Variants in SSBP4 observed in about 807,000 individuals in gnomAD.
The protein encoded by SSBP4 is single stranded DNA binding protein 4.
A neutral mutation model predicts 64.6 loss-of-function variants in SSBP4; 33 were observed. The observed-to-expected ratio is 0.51, with a 90% CI of 0.39 to 0.68. The LOEUF (loss-of-function observed/expected upper bound fraction) is 0.68. Ranked by LOEUF, SSBP4 falls within the 30% of genes least tolerant of loss-of-function variation. The pLI is 0.00. For missense variants in SSBP4, 583 were observed against 566.8 expected (o/e 1.03, Z -0.29); for synonymous variants, 243 against 224.0 (o/e 1.08, Z -0.76).
chr19:18,434,130 C>G (rs1568360849), intron 17 of SSBP4, 87 bp from the exon 18 acceptor site: 1 of 1,592,388 alleles, frequency 6.3e-7, no homozygotes. Context: ...CAGCCCTGCC[C>G]TGTCCCCCAT....
chr19:18,434,295 G>A lies in SSBP4; in HGVS notation c.*49G>A, dbSNP rs1289274674. The A allele has an allele frequency of 6.2e-7, 1 of 1,605,202 alleles. No homozygotes were observed. Among genetic ancestry groups the A allele is most frequent in the East Asian group, 2.3e-5 (1 of 44,254 alleles). ...CTGCGGGCCTAGGCTTCTGCCCAGC[G>A]CCCCTGCTCAGGGCGAGGGGCTGAG... On this transcript the variant is annotated 3_prime_UTR_variant, in exon 18 of 18. Coordinates refer to ENST00000270061, the MANE Select transcript of SSBP4 (RefSeq NM_032627.5).
chr19:18,419,491 C>T lies in SSBP4; in HGVS notation c.-158C>T. The T allele has an allele frequency of 9.1e-7, 1 of 1,093,852 alleles. No individual in the cohort carries two copies. Among genetic ancestry groups the T allele is most frequent in the Non-Finnish European group, 1.1e-6 (1 of 900,138 alleles). 67.8% of individuals were successfully genotyped at this position (1,093,852 alleles called of 1,614,324 possible). A position where few individuals can be genotyped will look rare whatever the true frequency, so the allele number is the denominator to read the frequency against. On this transcript the variant is annotated 5_prime_UTR_variant, in exon 1 of 18. Coordinates refer to ENST00000270061, the MANE Select transcript of SSBP4 (RefSeq NM_032627.5). ...GGAGCCGCCGCTGCCGCCGCCGCCGCGGCCGTCTGGAGCTCCCCCGCGCGG... is the reference window on the plus strand; with the variant it reads ...GGAGCCGCCGCTGCCGCCGCCGCCGTGGCCGTCTGGAGCTCCCCCGCGCGG...
chr19:18,403,929 GC>G, the SSBP4 span, among the ~76,000 whole-genome samples: 16 of 151,986 alleles, frequency 1.1e-4, no homozygotes, highest in African/African-American at 3.9e-4. Context: ...TCCCTCTGCT[GC>G]CCCCTGATGT....
chr19:18,404,593 C>CAAA, the SSBP4 span, among the ~76,000 whole-genome samples: 114 of 72,890 alleles, frequency 1.6e-3, 1 homozygote, highest in South Asian at 3.4e-3. Flanking sequence ...GACTCTGTCT[C>CAAA]AAAAAAAAAA....
chr19:18,406,932 T>C, the SSBP4 span, among the ~76,000 whole-genome samples: 7 of 152,202 alleles, frequency 4.6e-5, no homozygotes, highest in East Asian at 1.3e-3. Flanking sequence ...CAAACGATGA[T>C]TGAGGCTGGC....
intron 1 of SSBP4, among the ~76,000 whole-genome samples, chr19:18,420,763 A>C (rs1972396202): frequency 6.6e-6 from 1 of 151,712 alleles, no homozygotes; most frequent in African/African-American, 2.4e-5. Flanking sequence ...GAGGCAGGAG[A>C]ATCCCTTGAA....
chr19:18,419,791 G>A, intron 1 of SSBP4, 84 bp downstream of exon 1: 4 of 1,005,192 alleles, frequency 4.0e-6, no homozygotes, highest in Non-Finnish European at 4.9e-6. Flanking sequence ...GGGGCACGTG[G>A]GCGCGGGCGG....
intron 13 of SSBP4, 26 bp downstream of exon 13, chr19:18,432,909 G>T (rs374102712): frequency 3.1e-6 from 5 of 1,614,034 alleles, no homozygotes; most frequent in Non-Finnish European, 4.2e-6. Flanking sequence ...AGGTGGGGGT[G>T]TGCTAGGGTG....
intron 1 of SSBP4, among the ~76,000 whole-genome samples, chr19:18,424,818 T>C: frequency 7.4e-6 from 1 of 134,938 alleles, no homozygotes; most frequent in South Asian, 2.3e-4. Flanking sequence ...AGAGGCTCCT[T>C]GGACAGGATG....
chr19:18,428,752 C>T (rs1370184468), intron 4 of SSBP4, among the ~76,000 whole-genome samples: 3 of 152,128 alleles, frequency 2.0e-5, no homozygotes, highest in African/African-American at 7.2e-5. Context: ...AGGGGTGGGG[C>T]GCCCATGTCT....
At position 18,427,721 on chromosome 19, in the gene SSBP4, C is replaced by A; in HGVS notation, c.133-31C>A. On this transcript the variant is annotated intron_variant, in intron 2 of 17. Transcript: ENST00000270061. The surrounding 1 kb of genome is among the most constrained non-coding windows in gnomAD (Gnocchi z 4.4). ...GGTGGTGGGGCAGGGTCAGGTAGGGCCACCCCCTCACCACCTTCCTTTCCC... is the reference window on the plus strand; with the variant it reads ...GGTGGTGGGGCAGGGTCAGGTAGGGACACCCCCTCACCACCTTCCTTTCCC... 6.4e-7 allele frequency: 1 copy of A among 1,557,298 alleles called. No individual in the cohort carries two copies. Among genetic ancestry groups the A allele is most frequent in the Non-Finnish European group, 8.7e-7 (1 of 1,146,562 alleles).
intron 5 of SSBP4, among the ~76,000 whole-genome samples, 158 bp from the exon 6 acceptor site, chr19:18,431,186 CAGTGGTCCT>C (rs1973342206): frequency 6.7e-6 from 1 of 149,152 alleles, no homozygotes; most frequent in South Asian, 2.1e-4. Context: ...GCAGTAGCCA[CAGTGGTCCT>C]GGTGACCACT....
chr19:18,417,859 C>G (rs956315486), upstream of SSBP4, among the ~76,000 whole-genome samples: 7 of 151,530 alleles, frequency 4.6e-5, no homozygotes, highest in Non-Finnish European at 7.4e-5. The surrounding 1 kb of genome is among the most constrained non-coding windows in gnomAD (Gnocchi z 5.4). Context: ...GACTTCCCGC[C>G]GGCCAGAAGG....
At chr19:18,432,763 C>T (rs1248671824) in intron 12 of SSBP4, 28 bp downstream of exon 12, 24 of 1,611,864 alleles carry the variant, frequency 1.5e-5, no homozygotes, top group Non-Finnish European at 1.8e-5. Flanking sequence ...TGGGTCACCC[C>T]TGGGCAGGGG....
chr19:18,428,555 C>T (rs1220422277), intron 4 of SSBP4, among the ~76,000 whole-genome samples: 3 of 152,180 alleles, frequency 2.0e-5, no homozygotes, highest in Non-Finnish European at 4.4e-5. Context: ...TGGCAGCCTC[C>T]TGTTGTCATG....
intron 17 of SSBP4, 187 bp from the exon 18 acceptor site, chr19:18,434,030 C>T: frequency 7.7e-7 from 1 of 1,297,010 alleles, no homozygotes; most frequent in Middle Eastern, 2.8e-4. Flanking sequence ...CCATCCGCCC[C>T]CACCCCGGGA....
intron 11 of SSBP4, 35 bp downstream of exon 11, chr19:18,432,639 G>A: frequency 6.4e-7 from 1 of 1,553,102 alleles, no homozygotes. Context: ...GCTTGGGGTG[G>A]GGTGGGAGGG....
the SSBP4 span, among the ~76,000 whole-genome samples, chr19:18,410,955 C>T: frequency 3.7e-4 from 56 of 152,268 alleles, 2 homozygotes; most frequent in South Asian, 0.01. Context: ...GTGTTATAAG[C>T]GCTAGGGACA....
chr19:18,408,282 C>G, the SSBP4 span, among the ~76,000 whole-genome samples: 1 of 152,270 alleles, frequency 6.6e-6, no homozygotes, highest in East Asian at 1.9e-4. Flanking sequence ...TCCGCTCCCT[C>G]CACCCTCAGG....
Sources: gnomAD v4.1 joint callset for allele counts (sites outside exome capture counted in the v4.1 genomes callset) on GRCh38, gnomAD v4.1.1 for gene constraint, Gnocchi (gnomAD v3.1) non-coding constraint, MANE v1.5 for transcripts, NCBI Gene and HGNC (gene_info 2026-07-23, HGNC 2026-07-21) for gene names.